The following EIF2AK3 variants were observed in gnomAD, a reference collection of about 807,000 sequenced individuals.
EIF2AK3 encodes eukaryotic translation initiation factor 2 alpha kinase 3.
Under a neutral mutation model 113.5 loss-of-function variants are expected in EIF2AK3, and 50 were observed. The observed-to-expected ratio is 0.44, with a 90% CI of 0.35 to 0.56. EIF2AK3 has a LOEUF of 0.56. EIF2AK3 is among the 20% of genes least tolerant of loss of function. The probability of loss-of-function intolerance (pLI) is 0.00; values close to 1 mark genes in which losing one functional copy is unlikely to be tolerated. For synonymous variants in EIF2AK3, 448 were observed against 495.4 expected, an observed-to-expected ratio of 0.90 and a Z score of 1.27; for missense variants, 1,185 against 1,378.0, an observed-to-expected ratio of 0.86 and a Z score of 2.22.
chr2:88,615,509 C>T (rs749688839), intron 1 of EIF2AK3, among the ~76,000 whole-genome samples: 3 of 152,162 alleles, frequency 2.0e-5, no homozygotes, highest in Non-Finnish European at 4.4e-5. Context: ...GATGCCCTTG[C>T]CCCTTCCACC....
chr2:88,558,708 G>A (rs1368977972), intron 16 of EIF2AK3, among the ~76,000 whole-genome samples: 1 of 152,198 alleles, frequency 6.6e-6, no homozygotes, highest in Non-Finnish European at 1.5e-5. Flanking sequence ...GTGCTACAGT[G>A]TGGAACACTG....
At chr2:88,581,603 C>T (rs6547785) in intron 10 of EIF2AK3, among the ~76,000 whole-genome samples, 22,328 of 152,108 alleles carry the variant, frequency 0.15, 2,794 homozygotes, top group African/African-American at 0.35. Flanking sequence ...CTGCACACAG[C>T]TGTTCCGAAT....
chr2:88,557,971 CCAG>C, intron 16 of EIF2AK3, 35 bp from the exon 17 acceptor site: 1 of 1,593,814 alleles, frequency 6.3e-7, no homozygotes, highest in Admixed American at 1.7e-5. Context: ...GATAAAACGG[CCAG>C]GTTTGATCAC....
chr2:88,559,703 A>G (rs146672761), intron 15 of EIF2AK3, among the ~76,000 whole-genome samples: 6 of 152,266 alleles, frequency 3.9e-5, no homozygotes, highest in Admixed American at 2.6e-4. Flanking sequence ...ATAAAAACTG[A>G]ATGATATAAA....
intron 11 of EIF2AK3, 31 bp downstream of exon 11, chr2:88,579,487 T>G: frequency 1.2e-6 from 2 of 1,612,754 alleles, no homozygotes; most frequent in Non-Finnish European, 1.7e-6. Context: ...ACTGTGCTGA[T>G]TTCAAGTTTA....
chr2:88,575,123 A>T lies in EIF2AK3; in HGVS notation c.2360T>A (p.Leu787His). 6.2e-7 allele frequency: 1 copy of T among 1,614,170 alleles called. No individual in the cohort carries two copies. The highest frequency in any genetic ancestry group is 1.1e-5 in the South Asian group (1 of 91,086). ...ATAAGGAGAAGCTTCAGAAGGACAA[A>T]GTTCAAAGGAGTGCCCCTCATCATT... ...DGNDEGHSFE[L>H]CPSEASPYVR... The change falls in exon 13 of 17, where the codon CTT becomes CAT. Residue 787 changes from leucine (L) to histidine (H), a missense_variant. Transcript: ENST00000303236.
rs144117387 is a variant in EIF2AK3, at chr2:88,593,374, C to T, written c.665G>A (p.Arg222His). 8.7e-6 allele frequency: 14 copies of T among 1,613,702 alleles called. No individual in the cohort carries two copies. The highest frequency in any genetic ancestry group is 1.6e-4 in the Middle Eastern group (1 of 6,080). ...VRYICSALGC[R>H]QWDSDEMEQE... ...TTCCATTTCGTCACTATCCCATTGG[C>T]GACAACCCAGAGCTGAACAGATATA... is the stretch of plus-strand genomic sequence containing the variant. Residue 222 changes from arginine (R) to histidine (H), a missense_variant, in exon 4 of 17, where the codon CGC becomes CAC. Around this residue, in one of 3 missense-constraint regions of EIF2AK3, gnomAD observed 119 missense variants for 178.7 expected, o/e 0.67. Transcript: ENST00000303236.
Position 88,593,128 on chromosome 2 carries a change from C to T in EIF2AK3, c.767+144G>A. Reference sequence around the variant, plus strand: ...CTGTACTCAAGCCTGGGCGACAGAGCAAGACTCCGTATCAAAAAAATATAT... The same window carrying T: ...CTGTACTCAAGCCTGGGCGACAGAGTAAGACTCCGTATCAAAAAAATATAT... On this transcript the variant is annotated intron_variant, in intron 4 of 16. Coordinates refer to ENST00000303236, the MANE Select transcript of EIF2AK3 (RefSeq NM_004836.7). 4 of 940,088 alleles carry T rather than the reference C, an allele frequency of 4.3e-6. No individual in the cohort carries two copies. The South Asian group carries it at 5.3e-5, about 12-fold the overall frequency. 58.2% of individuals were successfully genotyped at this position (940,088 alleles called of 1,614,324 possible).
At chr2:88,604,635 T>C (rs191491363) in intron 2 of EIF2AK3, among the ~76,000 whole-genome samples, 124 of 152,304 alleles carry the variant, frequency 8.1e-4, no homozygotes, top group African/African-American at 2.9e-3. Context: ...ATCACATCTG[T>C]CCTGGGCAGT....
At position 88,585,965 on chromosome 2, in the gene EIF2AK3, T is replaced by C; in HGVS notation, c.1526A>G (p.Asn509Ser). The change falls in exon 9 of 17, where the codon AAT becomes AGT. Residue 509 changes from asparagine (N) to serine (S), a missense_variant. Around this residue, in one of 3 missense-constraint regions of EIF2AK3, gnomAD observed 877 missense variants for 1,024.2 expected, o/e 0.86. Transcript: ENST00000303236. ...AAGAACAGGATCCTTTTTGCGGATA[T>C]TCTTGTTGTAATGTGGGTTGTCGAG... ...RFLDNPHYNK[N>S]IRKKDPVLLL... 6.2e-7 allele frequency: 1 copy of C among 1,614,192 alleles called. No individual in the cohort carries two copies. Among genetic ancestry groups the C allele is most frequent in the Non-Finnish European group, 8.5e-7 (1 of 1,180,012 alleles).
intron 2 of EIF2AK3, among the ~76,000 whole-genome samples, chr2:88,611,670 G>A (rs566499492): frequency 8.5e-5 from 13 of 152,190 alleles, no homozygotes; most frequent in African/African-American, 1.2e-4. Flanking sequence ...TTGCACTGTC[G>A]CCTGGGCTGG....
At chr2:88,585,011 G>A (rs899878563) in intron 9 of EIF2AK3, among the ~76,000 whole-genome samples, 2 of 152,116 alleles carry the variant, frequency 1.3e-5, no homozygotes, top group African/African-American at 2.4e-5. Context: ...GGTATTAGAG[G>A]TTTTTAAGCC....
chr2:88,561,202 C>G (rs1262742081), intron 15 of EIF2AK3, among the ~76,000 whole-genome samples: 3 of 151,100 alleles, frequency 2.0e-5, no homozygotes, highest in African/African-American at 7.3e-5. Flanking sequence ...GATCTTCCTG[C>G]TTGAGCCTCC....
chr2:88,593,471 A>G (rs1179725699), intron 3 of EIF2AK3, 66 bp from the exon 4 acceptor site: 8 of 1,580,944 alleles, frequency 5.1e-6, no homozygotes, highest in Non-Finnish European at 6.1e-6. Flanking sequence ...CAGAGATATT[A>G]AAGGAATCTG....
chr2:88,619,037 G>C (rs1435301036), intron 1 of EIF2AK3, among the ~76,000 whole-genome samples: 1 of 145,510 alleles, frequency 6.9e-6, no homozygotes, highest in African/African-American at 2.6e-5. Flanking sequence ...GTCTTGCTCT[G>C]TCGCCCAATG....
At position 88,570,957 on chromosome 2, in the gene EIF2AK3, C is replaced by T. The variant is rs1256624277; in HGVS notation, c.2902G>A (p.Glu968Lys). ...LVTAMDQDEE[E>K]QTVLTPMPAY... ...GGCATTGGGGTCAGAACCGTCTGCTCTTCCTCATCCTGGTCCATTGCAGTC... is the reference window on the plus strand; with the variant it reads ...GGCATTGGGGTCAGAACCGTCTGCTTTTCCTCATCCTGGTCCATTGCAGTC... Residue 968 changes from glutamate (E) to lysine (K), a missense_variant, in exon 14 of 17, where the codon GAG becomes AAG. Transcript: ENST00000303236. 2 of 1,614,064 alleles carry T rather than the reference C, an allele frequency of 1.2e-6. No homozygotes were observed. Among genetic ancestry groups the T allele is most frequent in the East Asian group, 2.2e-5 (1 of 44,888 alleles).
At chr2:88,592,878 T>C (rs558688574) in intron 4 of EIF2AK3, among the ~76,000 whole-genome samples, 2 of 152,276 alleles carry the variant, frequency 1.3e-5, no homozygotes, top group East Asian at 3.9e-4. Flanking sequence ...CAGAATTTGT[T>C]AATAACCATG....
In EIF2AK3 at chr2:88,627,051, G is replaced by C; in HGVS notation, c.224C>G (p.Ala75Gly). The part of the protein sequence containing the change: ...VAAAEVTVED[A>G]EALPAAAGEQ... ...TCCCGCGGCTGCCGGCAGCGCCTCAGCGTCCTCCACAGTCACCTCGGCCGC... is the reference window on the plus strand; with the variant it reads ...TCCCGCGGCTGCCGGCAGCGCCTCACCGTCCTCCACAGTCACCTCGGCCGC... The change falls in exon 1 of 17, where the codon GCT becomes GGT. Residue 75 changes from alanine (A) to glycine (G), a missense_variant. This residue lies in a region of EIF2AK3 where 189 missense variants were observed against 175.2 expected (regional missense o/e 1.08). Transcript: ENST00000303236. The C allele has an allele frequency of 1.3e-6, 2 of 1,597,612 alleles. No individual in the cohort carries two copies. The highest frequency in any genetic ancestry group is 1.7e-6 in the Non-Finnish European group (2 of 1,177,052).
At position 88,574,678 on chromosome 2, in the gene EIF2AK3, G is replaced by C; in HGVS notation, c.2805C>G (p.His935Gln). ...VEFLHSKGLMHRDLKPSNIFF... is the reference protein window; with the variant it reads ...VEFLHSKGLMQRDLKPSNIFF... ...CACAAATACAGACCTTGAGGTCCCT[G>C]TGCATCAGTCCTTTACTGTGAAGAA... The change falls in exon 13 of 17, where the codon CAC (histidine) becomes CAG (glutamine). Residue 935 changes from histidine (H) to glutamine (Q), a missense_variant. His to Gln is a conservative substitution (Grantham distance 24, BLOSUM62 0). Transcript: ENST00000303236. 1 of 1,614,120 alleles carries C rather than the reference G, an allele frequency of 6.2e-7. No homozygotes were observed. The highest frequency in any genetic ancestry group is 1.7e-5 in the Admixed American group (1 of 60,012).
Sources: allele counts gnomAD v4.1 joint callset (sites outside exome capture counted in the v4.1 genomes callset), GRCh38; gene constraint gnomAD v4.1.1; regional missense constraint gnomAD v4.1.1; transcripts MANE v1.5; gene names NCBI Gene and HGNC (gene_info 2026-07-23, HGNC 2026-07-21).